The following FSBP variants were observed in gnomAD, a reference collection of about 807,000 sequenced individuals.
The protein encoded by FSBP is fibrinogen silencer binding protein.
In FSBP, 18 loss-of-function variants were observed where a neutral mutation model predicts 24.6. The ratio of observed to expected loss-of-function variants is 0.73; its 90% CI spans 0.51 to 1.08. FSBP has a LOEUF of 1.08. Among genes scored for constraint, FSBP ranks in the 50% least tolerant of loss-of-function variants. The pLI is 0.00. For synonymous variants in FSBP, 110 were observed against 125.8 expected (o/e 0.87, Z 0.84); for missense variants, 305 against 347.6 (o/e 0.88, Z 0.98).
In FSBP at chr8:94,428,998, T is replaced by C; in HGVS notation, c.*3133A>G. Reference sequence around the variant, plus strand: ...ATAAACTATACTATGTTAATCATGGTTATACAAGGGGAGGTAGACAATGAG... The same window carrying C: ...ATAAACTATACTATGTTAATCATGGCTATACAAGGGGAGGTAGACAATGAG... On this transcript the variant is annotated 3_prime_UTR_variant, in exon 2 of 2. Coordinates refer to ENST00000481490, the MANE Select transcript of FSBP (RefSeq NM_001256141.2). 1 of 982,936 alleles carries C rather than the reference T, an allele frequency of 1.0e-6. No individual in the cohort carries two copies. The highest frequency in any genetic ancestry group is 4.7e-5 in the South Asian group (1 of 21,218). The allele number at this position is 982,936 out of a possible 1,614,324, so 60.9% of individuals were successfully genotyped here.
At chr8:94,435,641 A>G (rs1460890364) in intron 1 of FSBP, among the ~76,000 whole-genome samples, 2 of 152,136 alleles carry the variant, frequency 1.3e-5, no homozygotes, top group Non-Finnish European at 2.9e-5. Context: ...GCAAGATAAT[A>G]CTTTTGAAAA....
At chr8:94,432,720 C>G (rs992290410) in intron 1 of FSBP, 64 bp from the exon 2 acceptor site, 1 of 1,380,298 alleles carries the variant, frequency 7.2e-7, no homozygotes, top group African/African-American at 1.5e-5. Flanking sequence ...ATATTTATAG[C>G]ATAATTTTAA....
At chr8:94,436,431 T>A in intron 1 of FSBP, 64 bp downstream of exon 1, 1 of 1,461,338 alleles carries the variant, frequency 6.8e-7, no homozygotes, top group Non-Finnish European at 9.0e-7. Context: ...CTATCACGAC[T>A]AAGCCAAAGC....
intron 1 of FSBP, 86 bp downstream of exon 1, chr8:94,436,409 C>G (rs2130121227): frequency 7.2e-7 from 1 of 1,398,382 alleles, no homozygotes; most frequent in Non-Finnish European, 9.4e-7. Context: ...GGGATGCTTA[C>G]TATGCATATC....
chr8:94,432,229 G>C lies in FSBP; in HGVS notation c.802C>G (p.Gln268Glu). The change falls in exon 2 of 2, where the codon CAG (glutamine) becomes GAG (glutamate). Residue 268 changes from glutamine to glutamate, a missense_variant. Gln to Glu is a conservative substitution (Grantham distance 29). Transcript: ENST00000481490. ...QEKRDGLKRR[Q>E]QLEEELLRAK... The stretch of plus-strand genomic sequence containing the variant: ...CTTAGTAGCTCTTCCTCTAGCTGCT[G>C]CCTTCTTTTCAATCCATCCCTCTTC... 1 of 1,550,298 alleles carries C rather than the reference G, an allele frequency of 6.5e-7. No individual in the cohort carries two copies. The highest frequency in any genetic ancestry group is 8.7e-7 in the Non-Finnish European group (1 of 1,146,870).
intron 1 of FSBP, among the ~76,000 whole-genome samples, chr8:94,434,801 C>A (rs1300449122): frequency 6.6e-6 from 1 of 151,162 alleles, no homozygotes; most frequent in African/African-American, 2.4e-5. Flanking sequence ...CCTTTAAAAC[C>A]TAACAAATTG....
At position 94,431,811 on chromosome 8, in the gene FSBP, A is replaced by C; in HGVS notation, c.*320T>G. The C allele has an allele frequency of 9.9e-7, 1 of 1,012,984 alleles. No individual in the cohort carries two copies. Among genetic ancestry groups the C allele is most frequent in the African/African-American group, 1.7e-5 (1 of 58,314 alleles). 62.7% of individuals were successfully genotyped at this position (1,012,984 alleles called of 1,614,324 possible). On this transcript the variant is annotated 3_prime_UTR_variant, in exon 2 of 2. Coordinates refer to ENST00000481490, the MANE Select transcript of FSBP (RefSeq NM_001256141.2). ...TCAAAGTTCTAACTAAAAATGTTGA[A>C]GACTCAGAACTTTGAAAGAATATGT...
chr8:94,435,478 A>G (rs1812230063), intron 1 of FSBP, among the ~76,000 whole-genome samples: 1 of 152,108 alleles, frequency 6.6e-6, no homozygotes, highest in South Asian at 2.1e-4. Flanking sequence ...TGCCTCTTCC[A>G]CCAATAGAAA....
At position 94,431,864 on chromosome 8, in the gene FSBP, A is replaced by C; in HGVS notation, c.*267T>G. 2 of 1,120,698 alleles carry C rather than the reference A, an allele frequency of 1.8e-6. No individual in the cohort carries two copies. Among genetic ancestry groups the C allele is most frequent in the Non-Finnish European group, 2.2e-6 (2 of 909,010 alleles). 69.4% of individuals were successfully genotyped at this position (1,120,698 alleles called of 1,614,324 possible). On this transcript the variant is annotated 3_prime_UTR_variant, in exon 2 of 2. Coordinates refer to ENST00000481490, the MANE Select transcript of FSBP (RefSeq NM_001256141.2). Reference sequence around the variant, plus strand: ...TTGTATATGCATTTGTGTATATCTTAGTGATCAGAATAAAATATCTTTTGT... The same window carrying C: ...TTGTATATGCATTTGTGTATATCTTCGTGATCAGAATAAAATATCTTTTGT...
intron 1 of FSBP, 52 bp from the exon 2 acceptor site, chr8:94,432,708 G>A (rs572541899): frequency 1.6e-5 from 23 of 1,394,196 alleles, no homozygotes; most frequent in Admixed American, 3.1e-5. Flanking sequence ...AAGAAAAAGT[G>A]TATATTTATA....
Position 94,432,597 on chromosome 8 carries a change from T to G in FSBP, c.434A>C (p.His145Pro), listed in dbSNP as rs1422120874. Reference sequence around the variant, plus strand: ...CTCCACTGTAATAGCAACAGGATGGTGATCCAACATTACCTGTAGTGAACT... The same window carrying G: ...CTCCACTGTAATAGCAACAGGATGGGGATCCAACATTACCTGTAGTGAACT... ...GTSSLQVMLD[H>P]HPVAITVEVK... Residue 145 changes from histidine (H) to proline (P), a missense_variant, in exon 2 of 2, where the codon CAC becomes CCC. His to Pro is a moderately conservative substitution (Grantham distance 77, BLOSUM62 -2). Transcript: ENST00000481490. 9 of 1,549,984 alleles carry G rather than the reference T, an allele frequency of 5.8e-6. No individual in the cohort carries two copies. The highest frequency in any genetic ancestry group is 1.4e-5 in the African/African-American group (1 of 73,028).
intron 1 of FSBP, 117 bp from the exon 2 acceptor site, chr8:94,432,773 A>T (rs1467505774): frequency 4.9e-5 from 62 of 1,264,340 alleles, no homozygotes; most frequent in Non-Finnish European, 6.3e-5. Context: ...CTATAAAGTT[A>T]CAAAATAAAA....
At position 94,436,806 on chromosome 8, in the gene FSBP, A is replaced by T; in HGVS notation, c.63T>A (p.Leu21=). Residue 21 remains leucine (L), a synonymous_variant, in exon 1 of 2, where the codon CTT becomes CTA. Coordinates refer to ENST00000481490, the MANE Select transcript of FSBP (RefSeq NM_001256141.2). ...TLSEKLDLLK[L]VKPYVKILEE... ...CGAGAATTTTCACATATGGCTTCAC[A>T]AGCTTTAGCAAATCAAGCTTTTCGG... is the stretch of plus-strand genomic sequence containing the variant. 6.5e-7 allele frequency: 1 copy of T among 1,548,546 alleles called. No individual in the cohort carries two copies. Among genetic ancestry groups the T allele is most frequent in the Non-Finnish European group, 8.7e-7 (1 of 1,146,406 alleles).
In FSBP at chr8:94,432,411, G is replaced by C; in HGVS notation, c.620C>G (p.Pro207Arg). ...SSVDMRMTSS[P>R]SSIPRRDDFF... ...ATCATCTCTCCTTGGAATAGAAGAT[G>C]GAGACGATGTCATTCTCATATCAAC... Residue 207 changes from proline (P) to arginine (R), a missense_variant, in exon 2 of 2, where the codon CCA becomes CGA. Transcript: ENST00000481490. 1.9e-6 allele frequency: 3 copies of C among 1,550,414 alleles called. No individual in the cohort carries two copies. The highest frequency in any genetic ancestry group is 2.6e-6 in the Non-Finnish European group (3 of 1,146,886).
In FSBP at chr8:94,428,458, T is replaced by C. The variant is rs1337723273; in HGVS notation, c.*3673A>G. On this transcript the variant is annotated 3_prime_UTR_variant, in exon 2 of 2. Coordinates refer to ENST00000481490, the MANE Select transcript of FSBP (RefSeq NM_001256141.2). ...CTTATATAAAATGTTTGTATTCACA[T>C]ACAATTTACACACATCCTTCCATAT... 5 of 338,130 alleles carry C rather than the reference T, an allele frequency of 1.5e-5. No homozygotes were observed. The highest frequency in any genetic ancestry group is 1.7e-5 in the Non-Finnish European group (4 of 238,584). The allele number at this position is 338,130 out of a possible 1,614,324, so 20.9% of individuals were successfully genotyped here.
chr8:94,434,629 A>C (rs1250104928), intron 1 of FSBP, among the ~76,000 whole-genome samples: 1 of 151,772 alleles, frequency 6.6e-6, no homozygotes, highest in African/African-American at 2.4e-5. Context: ...AGATTATAGA[A>C]TAATTATAAA....
At position 94,430,841 on chromosome 8, in the gene FSBP, G is replaced by A; in HGVS notation, c.*1290C>T. On this transcript the variant is annotated 3_prime_UTR_variant, in exon 2 of 2. Coordinates refer to ENST00000481490, the MANE Select transcript of FSBP (RefSeq NM_001256141.2). ...ACAGCAGCTACCCTACCTAGTCCAG[G>A]GAGATGTCCTTCCTAGTCCAGGATA... is the stretch of plus-strand genomic sequence containing the variant. 2 of 985,402 alleles carry A rather than the reference G, an allele frequency of 2.0e-6. No individual in the cohort carries two copies. The highest frequency in any genetic ancestry group is 2.4e-6 in the Non-Finnish European group (2 of 829,932). 61.0% of individuals were successfully genotyped at this position (985,402 alleles called of 1,614,324 possible). A position where few individuals can be genotyped will look rare whatever the true frequency, so the allele number is the denominator to read the frequency against.
In FSBP at chr8:94,429,257, TTGTAG is replaced by T. The variant is rs1464603508; in HGVS notation, c.*2869_*2873del. 2 of 507,288 alleles carry T rather than the reference TTGTAG, an allele frequency of 3.9e-6. No homozygotes were observed. Among genetic ancestry groups the T allele is most frequent in the Non-Finnish European group, 5.1e-6 (2 of 393,486 alleles). The allele number at this position is 507,288 out of a possible 1,614,324, so 31.4% of individuals were successfully genotyped here. A position where few individuals can be genotyped will look rare whatever the true frequency, so the allele number is the denominator to read the frequency against. On this transcript the variant is annotated 3_prime_UTR_variant, in exon 2 of 2. Coordinates refer to ENST00000481490, the MANE Select transcript of FSBP (RefSeq NM_001256141.2). The stretch of plus-strand genomic sequence containing the variant: ...TAAACAATGCTGCAGAAAAATATGA[TTGTAG>T]CAGACTATGTTTATGCTATTTTATG...
intron 1 of FSBP, among the ~76,000 whole-genome samples, chr8:94,434,985 GTTA>G (rs757272845): frequency 1.2e-4 from 18 of 151,584 alleles, no homozygotes; most frequent in African/African-American, 2.4e-5. Context: ...TCTACTCACT[GTTA>G]TTTTTAAAAT....
Sources: allele counts gnomAD v4.1 joint callset (sites outside exome capture counted in the v4.1 genomes callset), GRCh38; gene constraint gnomAD v4.1.1; transcripts MANE v1.5; gene names NCBI Gene and HGNC (gene_info 2026-07-23, HGNC 2026-07-21).